LRRC75B: variants seen among roughly 807,000 people sequenced by gnomAD.
LRRC75B encodes the protein leucine-rich repeat-containing protein 75B.
Under a neutral mutation model 16.5 loss-of-function variants are expected in LRRC75B, and 20 were observed. The observed-to-expected ratio is 1.21, with a 90% confidence interval of 0.85 to 1.76. The LOEUF (loss-of-function observed/expected upper bound fraction) is 1.76. Ranked by LOEUF, LRRC75B falls within the 40% of genes most tolerant of loss-of-function variation. The pLI, the probability that LRRC75B is intolerant of heterozygous loss-of-function variation, is 0.00. For missense variants in LRRC75B, 406 were observed against 417.0 expected, an observed-to-expected ratio of 0.97 and a Z score of 0.23; for synonymous variants, 199 against 198.1, an observed-to-expected ratio of 1.00 and a Z score of -0.04.
Position 24,588,327 on chromosome 22 carries a change from G to A in LRRC75B, c.309C>T (p.Asp103=). The A allele has an allele frequency of 1.9e-6, 3 of 1,610,802 alleles. No individual in the cohort carries two copies. The highest frequency in any genetic ancestry group is 2.5e-6 in the Non-Finnish European group (3 of 1,177,980). The stretch of plus-strand genomic sequence containing the variant: ...TGTCCGAGGACTTCCAGAGCTCATA[G>A]TCCTGTGGGAGGGCAGTGTCACCAT... ...LARDLQCPKK[D]YELWKSSDKI... Residue 103 remains aspartate (D), a splice_region_variant and synonymous_variant, in exon 3 of 4, where the codon GAC becomes GAT. Transcript: ENST00000318753.
At position 24,586,111 on chromosome 22, in the gene LRRC75B, CAAAGCAGGG is replaced by C. The variant is rs767725445; in HGVS notation, c.714_722del (p.Phe238_Ala240del). The C allele has an allele frequency of 6.2e-7, 1 of 1,613,044 alleles. No individual in the cohort carries two copies. Among genetic ancestry groups the C allele is most frequent in the South Asian group, 1.1e-5 (1 of 91,088 alleles). ...CGTTGTTGCCCAGGTCCACCCAAGC[CAAAGCAGGG>C]AACTTGGTGGTGTCCTTGATGGCAT... On this transcript the variant is annotated inframe_deletion, in exon 4 of 4. Coordinates refer to ENST00000318753, the MANE Select transcript of LRRC75B (RefSeq NM_207644.3).
Position 24,591,088 on chromosome 22 carries a change from CTT to C in LRRC75B, c.178-1141_178-1140del, listed in dbSNP as rs368383621. 3.8e-4 allele frequency among the ~76,000 whole-genome samples: 57 copies of C among 151,008 alleles called. 1 individual carries two copies. In the East Asian group the frequency reaches 0.011, roughly 28 times the overall value. On this transcript the variant is annotated intron_variant, in intron 1 of 3. Transcript: ENST00000318753. Reference sequence around the variant, plus strand: ...GGCTGAATACTCTTTCAGAGGGTCTCTTTGTTTTGAGACGGAGTTTTGCTCTT... The same window carrying C: ...GGCTGAATACTCTTTCAGAGGGTCTCTGTTTTGAGACGGAGTTTTGCTCTT...
chr22:24,592,769 A>G, intron 1 of LRRC75B, 94 bp downstream of exon 1: 1 of 1,286,674 alleles, frequency 7.8e-7, no homozygotes, highest in Non-Finnish European at 9.9e-7. Context: ...CGGCGGATAC[A>G]GGCCCACAAC....
intron 3 of LRRC75B, among the ~76,000 whole-genome samples, chr22:24,587,207 C>A (rs2147152043): frequency 6.6e-6 from 1 of 152,262 alleles, no homozygotes; most frequent in South Asian, 2.1e-4. Context: ...CTGTACAGGG[C>A]ACCGGGGATA....
intron 1 of LRRC75B, 135 bp from the exon 2 acceptor site, chr22:24,590,084 A>C: frequency 9.2e-7 from 1 of 1,088,322 alleles, no homozygotes; most frequent in Non-Finnish European, 1.3e-6. Flanking sequence ...GATTCTCCCC[A>C]CAGGCGGCCA....
chr22:24,592,465 A>C, intron 1 of LRRC75B: 1 of 465,848 alleles, frequency 2.1e-6, no homozygotes, highest in Non-Finnish European at 4.5e-6. Context: ...GTCTCTCAAT[A>C]CAAGATGATT....
At chr22:24,587,070 G>A (rs952193267) in intron 3 of LRRC75B, among the ~76,000 whole-genome samples, 8 of 152,150 alleles carry the variant, frequency 5.3e-5, no homozygotes, top group Non-Finnish European at 8.8e-5. Flanking sequence ...ACCACTAAGC[G>A]GGGAACCAGG....
At chr22:24,588,174 G>A (rs763944116) in intron 3 of LRRC75B, 40 bp downstream of exon 3, 1 of 1,482,870 alleles carries the variant, frequency 6.7e-7, no homozygotes, top group South Asian at 1.2e-5. Flanking sequence ...AGGGACCTTG[G>A]AGCAGCAGTG....
In LRRC75B at chr22:24,593,071, G is replaced by C. The variant is rs1426534640; in HGVS notation, c.-32C>G. ...CGCGCGATGGTCGCCGAACCCACAG[G>C]AGGCCGGGCTGTCTGCGCCCCGCTC... On this transcript the variant is annotated 5_prime_UTR_variant, in exon 1 of 4. Transcript: ENST00000318753. 3 of 1,036,836 alleles carry C rather than the reference G, an allele frequency of 2.9e-6. No individual in the cohort carries two copies. In the African/African-American group the frequency reaches 5.2e-5, roughly 18 times the overall value. 64.2% of individuals were successfully genotyped at this position (1,036,836 alleles called of 1,614,324 possible).
rs372731342 is a variant in LRRC75B at position 24,586,329 on chromosome 22, G to A, written c.505C>T (p.Gln169Ter). 1.0e-4 allele frequency: 166 copies of A among 1,613,858 alleles called. No homozygotes were observed. The highest frequency in any genetic ancestry group is 1.4e-4 in the Non-Finnish European group (163 of 1,180,056). The change falls in exon 4 of 4, where the codon CAA becomes TAA. Residue 169 changes from glutamine (Q) to a stop codon, truncating the protein, a stop_gained. Coordinates refer to ENST00000318753, the MANE Select transcript of LRRC75B (RefSeq NM_207644.3). LOFTEE classifies it low-confidence loss of function (END_TRUNC). ...CTGCTCAGGTAGCGTGTGATGTGTT[G>A]CACGTCCTGTGTCGACAGCGGGATG... The part of the protein sequence containing the change: ...SGIPLSTQDV[Q>*]HITRYLSSHG...
At position 24,592,959 on chromosome 22, in the gene LRRC75B, G is replaced by C; in HGVS notation, c.81C>G (p.Pro27=). ...GGAGCCACCGCACCCGGCGCTCGTA[G>C]GGCGCGGGCCCGCAGCCGGCCGCCG... ...AGAAAGCGPA[P]YERRVRWLRE... The change falls in exon 1 of 4, where the codon CCC becomes CCG. Residue 27 remains proline (P), a synonymous_variant. Transcript: ENST00000318753. 5.0e-6 allele frequency: 6 copies of C among 1,203,508 alleles called. No individual in the cohort carries two copies. Among genetic ancestry groups the C allele is most frequent in the Non-Finnish European group, 6.2e-6 (6 of 967,782 alleles). The allele number at this position is 1,203,508 out of a possible 1,614,324, so 74.6% of individuals were successfully genotyped here.
intron 3 of LRRC75B, among the ~76,000 whole-genome samples, chr22:24,586,849 A>T (rs890612627): frequency 1.3e-5 from 2 of 152,202 alleles, no homozygotes; most frequent in African/African-American, 4.8e-5. Flanking sequence ...TCACTTTCTA[A>T]GTGGGTGGCC....
chr22:24,585,854 A>G lies in LRRC75B; in HGVS notation c.*32T>C. On this transcript the variant is annotated 3_prime_UTR_variant, in exon 4 of 4. Coordinates refer to ENST00000318753, the MANE Select transcript of LRRC75B (RefSeq NM_207644.3). ...CTATCATGTGCTTGAGAGCATCACA[A>G]GTCAGTAGCAATGAGCCAGGTGGGT... is the stretch of plus-strand genomic sequence containing the variant. The G allele has an allele frequency of 6.5e-7, 1 of 1,531,992 alleles. No homozygotes were observed. Among genetic ancestry groups the G allele is most frequent in the Non-Finnish European group, 8.8e-7 (1 of 1,141,128 alleles). The allele number at this position is 1,531,992 out of a possible 1,614,324, so 94.9% of individuals were successfully genotyped here.
chr22:24,589,362 C>A, intron 2 of LRRC75B: 1 of 1,128,648 alleles, frequency 8.9e-7, no homozygotes, highest in South Asian at 1.9e-5. Context: ...AGTGAGCACC[C>A]GTCCGCAAGG....
In LRRC75B at chr22:24,585,790, T is replaced by C; in HGVS notation, c.*96A>G. On this transcript the variant is annotated 3_prime_UTR_variant, in exon 4 of 4. Coordinates refer to ENST00000318753, the MANE Select transcript of LRRC75B (RefSeq NM_207644.3). Reference sequence around the variant, plus strand: ...TCAGGCTGAGCATTTACACTGGATTTCTGGGGGCCTGTGAGTCCTCCTTGA... The same window carrying C: ...TCAGGCTGAGCATTTACACTGGATTCCTGGGGGCCTGTGAGTCCTCCTTGA... The C allele has an allele frequency of 8.1e-7, 1 of 1,235,850 alleles. No individual in the cohort carries two copies. Among genetic ancestry groups the C allele is most frequent in the South Asian group, 1.6e-5 (1 of 64,160 alleles). The allele number at this position is 1,235,850 out of a possible 1,614,324, so 76.6% of individuals were successfully genotyped here.
intron 1 of LRRC75B, chr22:24,592,176 T>C: frequency 2.5e-6 from 1 of 405,046 alleles, no homozygotes; most frequent in East Asian, 7.3e-5. Flanking sequence ...GGGACCAGCA[T>C]CCTGGGACAA....
At chr22:24,588,104 C>A in intron 3 of LRRC75B, 110 bp downstream of exon 3, 1 of 836,820 alleles carries the variant, frequency 1.2e-6, no homozygotes, top group Non-Finnish European at 2.0e-6. Context: ...CAGGTGAGGG[C>A]CTCACCAGGT....
At chr22:24,592,245 C>T (rs906608410) in intron 1 of LRRC75B, 6 of 460,094 alleles carry the variant, frequency 1.3e-5, no homozygotes, top group Admixed American at 7.1e-5. Context: ...GAGCCACCAC[C>T]GGACCGAGTG....
At chr22:24,588,722 C>T in intron 2 of LRRC75B, 1 of 1,067,780 alleles carries the variant, frequency 9.4e-7, no homozygotes, top group Non-Finnish European at 1.1e-6. Flanking sequence ...GGGAGCCGTG[C>T]TCCACTGACG....
Sources: gnomAD v4.1 joint callset for allele counts (sites outside exome capture counted in the v4.1 genomes callset) on GRCh38, gnomAD v4.1.1 for gene constraint, MANE v1.5 for transcripts, NCBI Gene and HGNC (gene_info 2026-07-23, HGNC 2026-07-21) for gene names.